COLEC10: variants seen among roughly 807,000 people sequenced by gnomAD.
COLEC10 encodes collectin-10.
COLEC10 carries 22 observed loss-of-function variants against 28.4 expected under a neutral mutation model. The observed-to-expected ratio is 0.78, with a 90% CI of 0.55 to 1.11. The LOEUF is 1.11. Ranked by LOEUF, COLEC10 falls within the 50% of genes least tolerant of loss-of-function variation. The pLI, the probability that COLEC10 is intolerant of heterozygous loss-of-function variation, is 0.00. For synonymous variants in COLEC10, 125 were observed against 116.1 expected, an observed-to-expected ratio of 1.08 and a Z score of -0.49; for missense variants, 361 against 344.1, an observed-to-expected ratio of 1.05 and a Z score of -0.39.
chr8:118,957,800 G>A, the COLEC10 span, among the ~76,000 whole-genome samples: 14 of 152,070 alleles, frequency 9.2e-5, no homozygotes, highest in Non-Finnish European at 1.8e-4. Context: ...TCACCCACAG[G>A]AGCTCATTTT....
intron 2 of COLEC10, 70 bp from the exon 3 acceptor site, chr8:119,091,079 A>C (rs1183808642): frequency 8.4e-7 from 1 of 1,193,956 alleles, no homozygotes; most frequent in African/African-American, 1.5e-5. Context: ...TTTCAAGTGA[A>C]TATCACATTA....
At position 119,024,087 on chromosome 8, in the gene COLEC10, A is replaced by G. The variant is rs75187904; in HGVS notation, n.235+14534A>G. ...AAATTTGCAGTGTTCTCAGTTTTTC[A>G]GTCTTTCATTCAGAAAAAGTGCCTT... On this transcript the variant is annotated intron_variant and non_coding_transcript_variant, in intron 2 of 6. Coordinates refer to the COLEC10 transcript ENST00000521788. Among the ~76,000 whole-genome samples the G allele has an allele frequency of 3.6e-3, 547 of 152,254 alleles. 4 individuals carry two copies. Among genetic ancestry groups the G allele is most frequent in the Admixed American group, 0.011 (164 of 15,280 alleles).
chr8:119,064,640 C>T (rs59437722), upstream of COLEC10, among the ~76,000 whole-genome samples: 4,310 of 152,272 alleles, frequency 0.028, 137 homozygotes, highest in East Asian at 0.18. Context: ...ATTCAATTCT[C>T]AGTATTTTTC....
chr8:118,993,197 A>G (rs1429332356), upstream of COLEC10, among the ~76,000 whole-genome samples: 1 of 152,104 alleles, frequency 6.6e-6, no homozygotes, highest in Non-Finnish European at 1.5e-5. Flanking sequence ...AACAACAGGT[A>G]TTTATTTTCT....
chr8:119,090,701 G>A (rs1815572824), intron 2 of COLEC10, among the ~76,000 whole-genome samples: 1 of 152,114 alleles, frequency 6.6e-6, no homozygotes. Context: ...TTGATCATTA[G>A]GTTTTATGAC....
the COLEC10 span, among the ~76,000 whole-genome samples, chr8:118,967,546 T>G: frequency 6.6e-6 from 1 of 152,138 alleles, no homozygotes; most frequent in Non-Finnish European, 1.5e-5. Flanking sequence ...AATTTTGGAA[T>G]TAAGTTATAT....
intron 2 of COLEC10, among the ~76,000 whole-genome samples, chr8:119,033,591 A>T (rs1041266025): frequency 6.6e-6 from 1 of 152,256 alleles, no homozygotes; most frequent in Non-Finnish European, 1.5e-5. Flanking sequence ...GGTTATTAAC[A>T]GACACTTCTC....
At chr8:119,041,266 A>AT (rs35593022) in intron 2 of COLEC10, among the ~76,000 whole-genome samples, 92,273 of 150,424 alleles carry the variant, frequency 0.61, 28,931 homozygotes, top group East Asian at 0.78. Context: ...TTGAAGCAGT[A>AT]TTTTTTTTTT....
chr8:119,019,545 C>T (rs1041053323), intron 2 of COLEC10, among the ~76,000 whole-genome samples: 2 of 152,062 alleles, frequency 1.3e-5, no homozygotes, highest in East Asian at 1.9e-4. Flanking sequence ...CATTTTTCCC[C>T]GATTGTCCAC....
At chr8:119,038,434 G>T (rs1221089463) in intron 2 of COLEC10, among the ~76,000 whole-genome samples, 1 of 152,002 alleles carries the variant, frequency 6.6e-6, no homozygotes, top group African/African-American at 2.4e-5. Context: ...TTGTAATTTT[G>T]GAAAAAGGGA....
At chr8:119,006,752 C>A (rs1563714762) in intron 1 of COLEC10, among the ~76,000 whole-genome samples, 2 of 151,836 alleles carry the variant, frequency 1.3e-5, no homozygotes, top group African/African-American at 4.8e-5. Flanking sequence ...TTTTTTATCT[C>A]CATCAGATGT....
intron 1 of COLEC10, among the ~76,000 whole-genome samples, chr8:119,070,218 T>C (rs2130228408): frequency 6.6e-6 from 1 of 152,264 alleles, no homozygotes; most frequent in East Asian, 1.9e-4. Flanking sequence ...AGACCTCTTT[T>C]AAGAATTATG....
At chr8:119,018,168 C>A (rs567005305) in intron 2 of COLEC10, among the ~76,000 whole-genome samples, 1 of 152,170 alleles carries the variant, frequency 6.6e-6, no homozygotes, top group African/African-American at 2.4e-5. Flanking sequence ...GTTTGCACTG[C>A]GCCATCTTAG....
At chr8:119,010,133 T>A (rs1407429912) in intron 2 of COLEC10, among the ~76,000 whole-genome samples, 5 of 150,686 alleles carry the variant, frequency 3.3e-5, no homozygotes, top group Non-Finnish European at 5.9e-5. Flanking sequence ...GCAGAATAGT[T>A]CCCCTGACTT....
the COLEC10 span, among the ~76,000 whole-genome samples, chr8:118,974,366 G>A: frequency 2.0e-5 from 3 of 151,884 alleles, no homozygotes; most frequent in African/African-American, 7.2e-5. Flanking sequence ...AAAGGGGAGT[G>A]CTGATTTATT....
rs1489582802 is a variant in COLEC10, at chr8:119,088,116, G to A, written c.149-1564G>A. Among the ~76,000 whole-genome samples, 5 of 151,114 alleles carry A rather than the reference G, an allele frequency of 3.3e-5. No individual in the cohort carries two copies. In the East Asian group the frequency reaches 9.8e-4, roughly 29 times the overall value. On this transcript the variant is annotated intron_variant, in intron 1 of 5. Transcript: ENST00000332843. ...CACTCCAGCCTGGGTGACAGAGAAA[G>A]ACACTGTCAGAAAGAGAGAAAAAGA...
intron 2 of COLEC10, among the ~76,000 whole-genome samples, chr8:119,022,464 C>T (rs1432139503): frequency 6.6e-6 from 1 of 151,864 alleles, no homozygotes; most frequent in Admixed American, 6.6e-5. Flanking sequence ...AGAAACTGCC[C>T]AAAGTAAGGA....
chr8:118,988,233 A>G, the COLEC10 span, among the ~76,000 whole-genome samples: 1 of 152,098 alleles, frequency 6.6e-6, no homozygotes. Flanking sequence ...TTCCAGGAAT[A>G]TTATCAGATT....
the COLEC10 span, among the ~76,000 whole-genome samples, chr8:118,955,070 A>G: frequency 5.3e-5 from 8 of 152,244 alleles, no homozygotes; most frequent in Non-Finnish European, 1.2e-4. Context: ...GAAGAACAAG[A>G]ACAAATTCCT....
Sources: allele counts gnomAD v4.1 joint callset (sites outside exome capture counted in the v4.1 genomes callset), GRCh38; gene constraint gnomAD v4.1.1; transcripts MANE v1.5; gene names NCBI Gene and HGNC (gene_info 2026-07-23, HGNC 2026-07-21).